Variants in CRB1 observed in about 807,000 individuals in gnomAD.
CRB1 encodes protein crumbs homolog 1.
Under a neutral mutation model 120.0 loss-of-function variants are expected in CRB1, and 83 were observed. The ratio of observed to expected loss-of-function variants is 0.69; its 90% confidence interval spans 0.58 to 0.83. The LOEUF (loss-of-function observed/expected upper bound fraction) is 0.83, where lower values mean the gene tolerates loss of function less well. CRB1 is among the 40% of genes least tolerant of loss of function. CRB1 has a pLI of 0.00. For synonymous variants in CRB1, 625 were observed against 612.5 expected (o/e 1.02, Z -0.30); for missense variants, 1,699 against 1,687.6 (o/e 1.01, Z -0.12).
At chr1:197,368,326 G>A (rs1337298359) in intron 5 of CRB1, among the ~76,000 whole-genome samples, 5 of 152,090 alleles carry the variant, frequency 3.3e-5, no homozygotes, top group East Asian at 1.9e-4. Flanking sequence ...TTCTATCCTC[G>A]TTTACTTCAT....
the CRB1 span, among the ~76,000 whole-genome samples, chr1:197,212,958 G>T: frequency 6.6e-6 from 1 of 152,228 alleles, no homozygotes; most frequent in African/African-American, 2.4e-5. Context: ...AAAAATAAAA[G>T]TTTCATATAA....
chr1:197,209,119 A>G, the CRB1 span, among the ~76,000 whole-genome samples: 1 of 152,182 alleles, frequency 6.6e-6, no homozygotes, highest in East Asian at 1.9e-4. Context: ...GCATGTGAGC[A>G]GGGCTGAGAA....
At chr1:197,216,376 C>T in the CRB1 span, among the ~76,000 whole-genome samples, 30 of 152,162 alleles carry the variant, frequency 2.0e-4, no homozygotes, top group South Asian at 6.2e-3. Flanking sequence ...TCCTTAATAA[C>T]CAGTAAAATG....
intron 11 of CRB1, among the ~76,000 whole-genome samples, chr1:197,473,603 G>T (rs73073607): frequency 0.029 from 4,233 of 145,292 alleles, 196 homozygotes; most frequent in African/African-American, 0.098. Context: ...GCAGATAGCA[G>T]CATGTCATTT....
At chr1:197,313,531 A>G (rs886981959) in intron 1 of CRB1, among the ~76,000 whole-genome samples, 5 of 152,232 alleles carry the variant, frequency 3.3e-5, no homozygotes, top group East Asian at 1.9e-4. Flanking sequence ...CTTATTTACT[A>G]TCAAGTACTA....
chr1:197,316,448 G>A (rs559759608), intron 1 of CRB1, among the ~76,000 whole-genome samples: 18 of 152,250 alleles, frequency 1.2e-4, no homozygotes, highest in African/African-American at 4.3e-4. Context: ...CTCCCAAAGT[G>A]CTGGGATTAC....
At chr1:197,260,067 T>A in the CRB1 span, among the ~76,000 whole-genome samples, 18 of 151,460 alleles carry the variant, frequency 1.2e-4, no homozygotes, top group African/African-American at 3.9e-4. Context: ...GTTGGGAGGA[T>A]CACTTGAGTT....
chr1:197,363,971 G>A (rs528476677), intron 5 of CRB1: 7 of 1,357,260 alleles, frequency 5.2e-6, no homozygotes, highest in Admixed American at 1.7e-5. Flanking sequence ...TGCGGCCGGC[G>A]ACAGAGGGAA....
At chr1:197,334,485 C>CT (rs758506243) in intron 2 of CRB1, among the ~76,000 whole-genome samples, 46 of 152,132 alleles carry the variant, frequency 3.0e-4, no homozygotes, top group Non-Finnish European at 5.6e-4. Context: ...ATAAAAAGGG[C>CT]TTTTTGGAGT....
chr1:197,245,360 A>C, the CRB1 span, among the ~76,000 whole-genome samples: 6 of 152,168 alleles, frequency 3.9e-5, no homozygotes, highest in African/African-American at 1.4e-4. Context: ...AGCTGGGCAC[A>C]ATGGTGTGCA....
intron 10 of CRB1, chr1:197,439,847 T>C (rs1171403825): frequency 6.6e-6 from 1 of 152,154 alleles, no homozygotes. Context: ...GCTGGCCTCT[T>C]TTGCATCACA....
chr1:197,357,044 CT>C (rs762059586), intron 5 of CRB1, 31 bp downstream of exon 5: 3 of 1,609,326 alleles, frequency 1.9e-6, no homozygotes, highest in Non-Finnish European at 2.6e-6. Flanking sequence ...TATGACTTGA[CT>C]TTCTGGTATT....
At chr1:197,268,802 G>A (rs1241293793) in intron 1 of CRB1, among the ~76,000 whole-genome samples, 4 of 152,128 alleles carry the variant, frequency 2.6e-5, no homozygotes, top group Non-Finnish European at 5.9e-5. Context: ...TTACAAAATA[G>A]ATTTGGCCCT....
At chr1:197,354,991 T>A (rs1660383524) in intron 4 of CRB1, among the ~76,000 whole-genome samples, 1 of 151,746 alleles carries the variant, frequency 6.6e-6, no homozygotes, top group African/African-American at 2.4e-5. Flanking sequence ...CACAGAGTGC[T>A]GATTGGTGTA....
At chr1:197,270,261 AC>A (rs770999648) in intron 1 of CRB1, among the ~76,000 whole-genome samples, 29 of 152,324 alleles carry the variant, frequency 1.9e-4, no homozygotes, top group Non-Finnish European at 2.5e-4. Context: ...ACTTCTTGCA[AC>A]AACCCTATAA....
At chr1:197,266,814 C>T (rs1272192332), upstream of CRB1, among the ~76,000 whole-genome samples, 1 of 152,044 alleles carries the variant, frequency 6.6e-6, no homozygotes, top group Non-Finnish European at 1.5e-5. Flanking sequence ...TTTCTAATAC[C>T]ATAAGATTCT....
chr1:197,309,158 A>G (rs1300838779), intron 1 of CRB1, among the ~76,000 whole-genome samples: 1 of 152,036 alleles, frequency 6.6e-6, no homozygotes, highest in East Asian at 1.9e-4. Context: ...GTGAGTATAT[A>G]TATTTATATA....
At position 197,427,507 on chromosome 1, in the gene CRB1, A is replaced by G; in HGVS notation, c.2182A>G (p.Thr728Ala). ...TGACTCCACTGGTTATGTCATCTTT[A>G]CTCTTGATGAGAGCTATGGAGACAC... is the stretch of plus-strand genomic sequence containing the variant. ...QDDSTGYVIF[T>A]LDESYGDTIS... Residue 728 changes from threonine to alanine, a missense_variant, in exon 7 of 12, where the codon ACT becomes GCT. Transcript: ENST00000367400. The G allele has an allele frequency of 1.9e-6, 3 of 1,613,374 alleles. No homozygotes were observed. The highest frequency in any genetic ancestry group is 1.3e-5 in the African/African-American group (1 of 74,792).
At chr1:197,391,189 T>C (rs1013641586) in intron 5 of CRB1, among the ~76,000 whole-genome samples, 1 of 152,090 alleles carries the variant, frequency 6.6e-6, no homozygotes, top group Non-Finnish European at 1.5e-5. Flanking sequence ...CAGACAACAT[T>C]CTGAAATTCC....
Sources: gnomAD v4.1 joint callset for allele counts (sites outside exome capture counted in the v4.1 genomes callset) on GRCh38, gnomAD v4.1.1 for gene constraint, MANE v1.5 for transcripts, NCBI Gene and HGNC (gene_info 2026-07-23, HGNC 2026-07-21) for gene names.